The following TFAP2D variants were observed in gnomAD, a reference collection of about 807,000 sequenced individuals.
The protein encoded by TFAP2D is transcription factor AP-2-delta.
Under a neutral mutation model 43.6 loss-of-function variants are expected in TFAP2D, and 9 were observed. The observed-to-expected ratio is 0.21, with a 90% CI of 0.12 to 0.36. TFAP2D has a LOEUF of 0.36. TFAP2D is among the 10% of genes least tolerant of loss of function. The pLI is 1.00. For missense variants in TFAP2D, 513 were observed against 561.4 expected (o/e 0.91, Z 0.87); for synonymous variants, 256 against 224.9 (o/e 1.14, Z -1.24).
At chr6:50,727,001 G>A (rs1359388014) in intron 3 of TFAP2D, among the ~76,000 whole-genome samples, 1 of 152,200 alleles carries the variant, frequency 6.6e-6, no homozygotes, top group Non-Finnish European at 1.5e-5. Flanking sequence ...TTGAGATTTT[G>A]AACTCTCAGA....
rs1158187608 is a variant in TFAP2D at position 50,713,726 on chromosome 6, TC to T, written c.-327del. 1 of 398,956 alleles carries T rather than the reference TC, an allele frequency of 2.5e-6. No individual in the cohort carries two copies. The highest frequency in any genetic ancestry group is 2.1e-5 in the African/African-American group (1 of 47,064). 24.7% of individuals were successfully genotyped at this position (398,956 alleles called of 1,614,324 possible). A position where few individuals can be genotyped will look rare whatever the true frequency, so the allele number is the denominator to read the frequency against. Reference sequence around the variant, plus strand: ...GATAAATCTCTTCTGCCTATTGTCCTCCCAGTTCTCAGTGCTGATGCTTAAT... The same window carrying T: ...GATAAATCTCTTCTGCCTATTGTCCTCCAGTTCTCAGTGCTGATGCTTAAT... On this transcript the variant is annotated 5_prime_UTR_variant, in exon 1 of 8. Transcript: ENST00000008391.
chr6:50,727,705 A>G (rs1486228613), intron 3 of TFAP2D, among the ~76,000 whole-genome samples: 2 of 152,180 alleles, frequency 1.3e-5, no homozygotes, highest in East Asian at 3.8e-4. Flanking sequence ...ATGGGTTGTA[A>G]GATTGACCCT....
chr6:50,726,412 CATAA>C (rs1417210373), intron 3 of TFAP2D, among the ~76,000 whole-genome samples: 4 of 152,212 alleles, frequency 2.6e-5, no homozygotes, highest in African/African-American at 9.7e-5. Flanking sequence ...TCTCACTTAT[CATAA>C]ACTTGAAGCT....
chr6:50,751,402 A>G (rs1381361899), intron 7 of TFAP2D, 78 bp downstream of exon 7: 3 of 964,740 alleles, frequency 3.1e-6, no homozygotes, highest in East Asian at 2.5e-5. Context: ...CTATTTAGAG[A>G]TACCACTTAT....
At chr6:50,761,584 G>A (rs1769365216) in intron 7 of TFAP2D, among the ~76,000 whole-genome samples, 1 of 152,026 alleles carries the variant, frequency 6.6e-6, no homozygotes, top group Admixed American at 6.6e-5. Flanking sequence ...GCCAAGATAG[G>A]AAGAATTCAG....
intron 7 of TFAP2D, among the ~76,000 whole-genome samples, chr6:50,770,611 AAAC>A (rs1769514062): frequency 6.6e-6 from 1 of 152,132 alleles, no homozygotes; most frequent in African/African-American, 2.4e-5. Context: ...AGACTAATAA[AAAC>A]AACAACCCCA....
Position 50,715,103 on chromosome 6 carries a change from CT to C in TFAP2D, c.40-12del, listed in dbSNP as rs775511472. On this transcript the variant is annotated splice_polypyrimidine_tract_variant and intron_variant, in intron 1 of 7. Transcript: ENST00000008391. ...AGTTTTTCTGCTCTCCCTTTTCCCCCTCTTCCTTCCAGATACGTCACGACGG... is the reference window on the plus strand; with the variant it reads ...AGTTTTTCTGCTCTCCCTTTTCCCCCCTTCCTTCCAGATACGTCACGACGG... 5.6e-6 allele frequency: 9 copies of C among 1,608,466 alleles called. No homozygotes were observed. The highest frequency in any genetic ancestry group is 7.7e-6 in the Non-Finnish European group (9 of 1,175,360).
At position 50,751,340 on chromosome 6, in the gene TFAP2D, C is replaced by A; in HGVS notation, c.1139+16C>A. 1 of 1,566,856 alleles carries A rather than the reference C, an allele frequency of 6.4e-7. No individual in the cohort carries two copies. Among genetic ancestry groups the A allele is most frequent in the South Asian group, 1.1e-5 (1 of 89,980 alleles). The stretch of plus-strand genomic sequence containing the variant: ...CACATTTCAGGTAAGACTGGTTTTC[C>A]AGTTTGCTCAAATTCTTTACTAACC... On this transcript the variant is annotated intron_variant, in intron 7 of 7. Coordinates refer to ENST00000008391, the MANE Select transcript of TFAP2D (RefSeq NM_172238.4).
intron 7 of TFAP2D, among the ~76,000 whole-genome samples, chr6:50,763,343 A>C (rs893174130): frequency 9.9e-5 from 15 of 152,110 alleles, no homozygotes; most frequent in African/African-American, 3.6e-4. Flanking sequence ...CTGCCCTTAC[A>C]TCCACACTTT....
chr6:50,723,680 G>T (rs1012523439), intron 3 of TFAP2D, among the ~76,000 whole-genome samples: 1 of 152,100 alleles, frequency 6.6e-6, no homozygotes, highest in African/African-American at 2.4e-5. Flanking sequence ...ATGATTTGTT[G>T]GAAATCTTTG....
chr6:50,771,723 G>A (rs1462957579), intron 7 of TFAP2D, among the ~76,000 whole-genome samples: 9 of 152,090 alleles, frequency 5.9e-5, no homozygotes, highest in East Asian at 3.9e-4. Context: ...TTAGAATGGC[G>A]ATCATTAAAA....
At chr6:50,720,835 C>T (rs1281830113) in intron 3 of TFAP2D, among the ~76,000 whole-genome samples, 1 of 152,196 alleles carries the variant, frequency 6.6e-6, no homozygotes, top group Admixed American at 6.5e-5. Context: ...CGGGAGCCCG[C>T]TTCTCCCACA....
chr6:50,715,708 C>G (rs1022085247), intron 2 of TFAP2D, 95 bp downstream of exon 2: 14 of 1,312,886 alleles, frequency 1.1e-5, no homozygotes, highest in Non-Finnish European at 1.5e-5. Flanking sequence ...GTCTCTCTTT[C>G]TCTCTCTCTT....
intron 5 of TFAP2D, among the ~76,000 whole-genome samples, chr6:50,730,945 A>G (rs1459898975): frequency 1.3e-5 from 2 of 152,080 alleles, no homozygotes; most frequent in Admixed American, 1.3e-4. Flanking sequence ...CAATCCCAGT[A>G]AAGACTTTTC....
intron 7 of TFAP2D, among the ~76,000 whole-genome samples, chr6:50,764,619 G>A (rs1769415813): frequency 6.6e-6 from 1 of 152,084 alleles, no homozygotes; most frequent in South Asian, 2.1e-4. Flanking sequence ...ACTGTTTAAG[G>A]AAAAAATATC....
chr6:50,740,309 T>G (rs920032218), intron 5 of TFAP2D, among the ~76,000 whole-genome samples: 1 of 152,188 alleles, frequency 6.6e-6, no homozygotes, highest in African/African-American at 2.4e-5. Flanking sequence ...TGATGAGAAT[T>G]ATCTATTGAA....
chr6:50,732,113 A>G (rs1768903593), intron 5 of TFAP2D, among the ~76,000 whole-genome samples: 1 of 152,100 alleles, frequency 6.6e-6, no homozygotes, highest in African/African-American at 2.4e-5. Context: ...TGCAAGAGCC[A>G]GAAACTTTTT....
intron 3 of TFAP2D, among the ~76,000 whole-genome samples, chr6:50,722,815 G>C (rs561342652): frequency 2.0e-5 from 3 of 151,992 alleles, no homozygotes; most frequent in Admixed American, 6.5e-5. Context: ...AACTAAAAAG[G>C]GGGGGGCGGG....
intron 7 of TFAP2D, 28 bp downstream of exon 7, chr6:50,751,352 A>G (rs1581773179): frequency 6.9e-7 from 1 of 1,457,146 alleles, no homozygotes. Flanking sequence ...GTTTGCTCAA[A>G]TTCTTTACTA....
Sources: gnomAD v4.1 joint callset for allele counts (sites outside exome capture counted in the v4.1 genomes callset) on GRCh38, gnomAD v4.1.1 for gene constraint, MANE v1.5 for transcripts, NCBI Gene and HGNC (gene_info 2026-07-23, HGNC 2026-07-21) for gene names.